The following MED26 variants were observed in gnomAD, a reference collection of about 807,000 sequenced individuals.
MED26 encodes the protein mediator complex subunit 26, also known as mediator of RNA polymerase II transcription subunit 26.
A neutral mutation model predicts 43.7 loss-of-function variants in MED26; 7 were observed. The ratio of observed to expected loss-of-function variants is 0.16; its 90% CI spans 0.09 to 0.30. MED26 has a LOEUF of 0.30. MED26 is among the 10% of genes least tolerant of loss of function. The pLI is 1.00. For missense variants in MED26, 784 were observed against 840.6 expected (o/e 0.93, Z 0.83); for synonymous variants, 375 against 371.1 (o/e 1.01, Z -0.12).
chr19:16,590,096 A>C (rs2086088804), intron 1 of MED26, among the ~76,000 whole-genome samples: 1 of 152,270 alleles, frequency 6.6e-6, no homozygotes, highest in East Asian at 1.9e-4. Context: ...CTTCCCCGGC[A>C]GGAGTACTCA....
chr19:16,608,035 G>T (rs1160305548), intron 1 of MED26, among the ~76,000 whole-genome samples: 3 of 152,250 alleles, frequency 2.0e-5, no homozygotes, highest in African/African-American at 7.2e-5. Context: ...AGGCCAAGGG[G>T]CACCAGGGCC....
intron 1 of MED26, among the ~76,000 whole-genome samples, chr19:16,609,999 G>A (rs891751054): frequency 4.0e-5 from 6 of 149,646 alleles, no homozygotes; most frequent in African/African-American, 1.2e-4. Flanking sequence ...TATTCAAGCC[G>A]GGTGTGGTCG....
chr19:16,622,799 T>C (rs1482562094), intron 1 of MED26, among the ~76,000 whole-genome samples: 1 of 152,102 alleles, frequency 6.6e-6, no homozygotes, highest in Non-Finnish European at 1.5e-5. Context: ...AAGGAGATGA[T>C]AGTGGGGAAG....
chr19:16,576,347 T>C lies in MED26; in HGVS notation c.1483A>G (p.Ser495Gly). The change falls in exon 3 of 3, where the codon AGC becomes GGC. Residue 495 changes from serine to glycine, a missense_variant. Ser to Gly is a moderately conservative substitution (Grantham distance 56). Around this residue, in one of 3 missense-constraint regions of MED26, gnomAD observed 719 missense variants for 730.9 expected, o/e 0.98. Coordinates refer to ENST00000263390, the MANE Select transcript of MED26 (RefSeq NM_004831.5). The surrounding 1 kb of genome is among the most constrained non-coding windows in gnomAD (Gnocchi z 6.8). ...IIQSYLSRQS[S>G]LLSSSGAQTP... ...TGCGCGCCCGATGATGAGAGCAGGC[T>C]GCTCTGCCGGCTCAGGTAGGACTGG... 6.2e-7 allele frequency: 1 copy of C among 1,614,068 alleles called. No individual in the cohort carries two copies. Among genetic ancestry groups the C allele is most frequent in the South Asian group, 1.1e-5 (1 of 91,078 alleles).
At position 16,577,714 on chromosome 19, in the gene MED26, C is replaced by T. The variant is rs149058341; in HGVS notation, c.148-32G>A. On this transcript the variant is annotated intron_variant, in intron 2 of 2. Coordinates refer to ENST00000263390, the MANE Select transcript of MED26 (RefSeq NM_004831.5). The surrounding 1 kb of genome is among the most constrained non-coding windows in gnomAD (Gnocchi z 8.1). ...CCAGAGGGAGATGATGACATACTTT[C>T]GGGACAGGAACTTCTCCATGAGCTG... is the stretch of plus-strand genomic sequence containing the variant. 2.4e-4 allele frequency: 368 copies of T among 1,515,520 alleles called. 1 individual carries two copies. In the African/African-American group the frequency reaches 4.5e-3, roughly 19 times the overall value. The allele number at this position is 1,515,520 out of a possible 1,614,324, so 93.9% of individuals were successfully genotyped here. A position where few individuals can be genotyped will look rare whatever the true frequency, so the allele number is the denominator to read the frequency against.
chr19:16,607,318 C>T (rs1367278196), intron 1 of MED26, among the ~76,000 whole-genome samples: 2 of 149,680 alleles, frequency 1.3e-5, no homozygotes, highest in Non-Finnish European at 1.5e-5. Context: ...CTACAATGAT[C>T]TATGGCTATG....
chr19:16,614,263 C>T (rs1372466982), intron 1 of MED26, among the ~76,000 whole-genome samples: 1 of 152,198 alleles, frequency 6.6e-6, no homozygotes, highest in Non-Finnish European at 1.5e-5. Flanking sequence ...CGCACGGTCT[C>T]ACACCTGTAA....
At chr19:16,626,087 T>C (rs2086273621) in intron 1 of MED26, among the ~76,000 whole-genome samples, 1 of 152,138 alleles carries the variant, frequency 6.6e-6, no homozygotes, top group African/African-American at 2.4e-5. Context: ...CCCTTTAGAT[T>C]AGAACCCTAT....
chr19:16,613,059 G>A (rs1296349023), intron 1 of MED26, among the ~76,000 whole-genome samples: 2 of 152,020 alleles, frequency 1.3e-5, no homozygotes, highest in East Asian at 1.9e-4. Context: ...TTTCCTTTCA[G>A]GCACTGTTTA....
chr19:16,576,712 GA>G lies in MED26; in HGVS notation c.1117del (p.Ser373ProfsTer48). ...ACTGTCCGCCTTGGAGGAGTCTGGG[GA>G]AAAGCCTGCCCGGGACAGGAGGGGC... is the stretch of plus-strand genomic sequence containing the variant. ...AEPLLSRAGF[S>X]PDSSKADSDA... On this transcript the variant is annotated frameshift_variant, in exon 3 of 3. Transcript: ENST00000263390. LOFTEE classifies it high-confidence loss of function. This position sits in a 1 kb window ranked among gnomAD's most constrained non-coding sequence, Gnocchi z 6.8. 1 of 1,612,932 alleles carries G rather than the reference GA, an allele frequency of 6.2e-7. No individual in the cohort carries two copies.
intron 1 of MED26, among the ~76,000 whole-genome samples, chr19:16,617,159 C>T (rs2086230028): frequency 6.6e-6 from 1 of 152,130 alleles, no homozygotes; most frequent in Non-Finnish European, 1.5e-5. Context: ...GGGCTGACAG[C>T]GTGTCCAGAG....
intron 1 of MED26, among the ~76,000 whole-genome samples, chr19:16,585,454 T>C (rs2122392321): frequency 6.6e-6 from 1 of 152,158 alleles, no homozygotes; most frequent in East Asian, 1.9e-4. Flanking sequence ...GGTCACTCTC[T>C]TCCAGAAGGG....
chr19:16,618,053 G>A (rs1022617874), intron 1 of MED26, among the ~76,000 whole-genome samples: 3 of 152,168 alleles, frequency 2.0e-5, no homozygotes, highest in Non-Finnish European at 2.9e-5. Context: ...TCCATTAACC[G>A]AAGGGGAAGA....
chr19:16,612,423 T>C lies in MED26; in HGVS notation c.72+15449A>G, dbSNP rs1417330170. ...CCTCAGCCTCCCGAGTAGCTGGGAC[T>C]ACAGGCACATGCCACCAGCCCCACC... On this transcript the variant is annotated intron_variant, in intron 1 of 2. Coordinates refer to ENST00000263390, the MANE Select transcript of MED26 (RefSeq NM_004831.5). Among the ~76,000 whole-genome samples, 3 of 152,118 alleles carry C rather than the reference T, an allele frequency of 2.0e-5. No individual in the cohort carries two copies. In the East Asian group the frequency reaches 5.8e-4, roughly 29 times the overall value.
intron 1 of MED26, among the ~76,000 whole-genome samples, chr19:16,617,569 A>T (rs2122451831): frequency 6.6e-6 from 1 of 152,340 alleles, no homozygotes; most frequent in South Asian, 2.1e-4. Context: ...AGACACACAC[A>T]CATAGTGTGG....
rs1322081032 is a variant in MED26 at position 16,577,407 on chromosome 19, C to T, written c.423G>A (p.Leu141=). The T allele has an allele frequency of 6.2e-7, 1 of 1,603,626 alleles. No homozygotes were observed. Among genetic ancestry groups the T allele is most frequent in the African/African-American group, 1.3e-5 (1 of 74,780 alleles). ...NDLQRLPGQR[L]DRLGSRKRRG... is the part of the protein sequence containing the mutation. Reference sequence around the variant, plus strand: ...GGCGCTTGCGGCTGCCCAGCCTGTCCAGCCGCTGCCCGGGCAGCCTCTGGA... The same window carrying T: ...GGCGCTTGCGGCTGCCCAGCCTGTCTAGCCGCTGCCCGGGCAGCCTCTGGA... The change falls in exon 3 of 3, where the codon CTG becomes CTA. Residue 141 remains leucine (L), a synonymous_variant. Coordinates refer to ENST00000263390, the MANE Select transcript of MED26 (RefSeq NM_004831.5). The surrounding 1 kb of genome is among the most constrained non-coding windows in gnomAD (Gnocchi z 8.1).
rs149873799 is a variant in MED26 at position 16,577,050 on chromosome 19, C to G, written c.780G>C (p.Pro260=). The G allele has an allele frequency of 6.2e-7, 1 of 1,608,196 alleles. No individual in the cohort carries two copies. The highest frequency in any genetic ancestry group is 8.5e-7 in the Non-Finnish European group (1 of 1,175,970). The change falls in exon 3 of 3, where the codon CCG becomes CCC. Residue 260 remains proline (P), a synonymous_variant. Transcript: ENST00000263390. This position sits in a 1 kb window ranked among gnomAD's most constrained non-coding sequence, Gnocchi z 8.1. ...LQQLDRVDET[P]GPPHPKGPPR... is the part of the protein sequence containing the mutation. ...GGGGTCCCTTGGGATGGGGAGGCCC[C>G]GGAGTCTCGTCCACCCTGTCCAGCT...
intron 1 of MED26, among the ~76,000 whole-genome samples, chr19:16,599,653 C>A (rs2086139250): frequency 6.6e-6 from 1 of 152,156 alleles, no homozygotes; most frequent in Non-Finnish European, 1.5e-5. Flanking sequence ...ACTGTTGCGC[C>A]CCCTCCCTCC....
intron 1 of MED26, chr19:16,578,811 TC>T (rs1281563938): frequency 5.0e-6 from 1 of 200,036 alleles, no homozygotes; most frequent in African/African-American, 2.4e-5. Context: ...GCTTAAAAGA[TC>T]AATACACAGG....
Sources: allele counts gnomAD v4.1 joint callset (sites outside exome capture counted in the v4.1 genomes callset), GRCh38; gene constraint gnomAD v4.1.1; regional missense constraint gnomAD v4.1.1; non-coding constraint Gnocchi (gnomAD v3.1); transcripts MANE v1.5; gene names NCBI Gene and HGNC (gene_info 2026-07-23, HGNC 2026-07-21).